PLAG1: variants seen among roughly 807,000 people sequenced by gnomAD.
PLAG1 encodes the protein PLAG1 zinc finger.
In PLAG1, 7 loss-of-function variants were observed where a neutral mutation model predicts 35.5. The observed-to-expected ratio is 0.20, with a 90% confidence interval of 0.11 to 0.37. PLAG1 has a LOEUF of 0.37. Among genes scored for constraint, PLAG1 ranks in the 10% least tolerant of loss-of-function variants. The pLI is 1.00. For synonymous variants in PLAG1, 229 were observed against 225.4 expected (o/e 1.02, Z -0.14); for missense variants, 454 against 602.8 (o/e 0.75, Z 2.58).
Position 56,166,505 on chromosome 8 carries a change from G to T in PLAG1, c.1241C>A (p.Pro414Gln). 6.2e-7 allele frequency: 1 copy of T among 1,613,996 alleles called. No homozygotes were observed. Among genetic ancestry groups the T allele is most frequent in the Non-Finnish European group, 8.5e-7 (1 of 1,179,928 alleles). ...AAACAACTGAGAAAAATCCAATGCT[G>T]GTGTGTTTAGGGGGTCACTGATGGA... is the stretch of plus-strand genomic sequence containing the variant. ...SISISDPLNT[P>Q]ALDFSQLFNF... Residue 414 changes from proline to glutamine, a missense_variant, in exon 5 of 5, where the codon CCA (proline) becomes CAA (glutamine). This residue lies in a region of PLAG1 where 271 missense variants were observed against 315.6 expected (regional missense o/e 0.86). Coordinates refer to ENST00000316981, the MANE Select transcript of PLAG1 (RefSeq NM_002655.3).
chr8:56,169,540 T>G (rs948099956), intron 3 of PLAG1, among the ~76,000 whole-genome samples: 1 of 152,084 alleles, frequency 6.6e-6, no homozygotes, highest in African/African-American at 2.4e-5. Flanking sequence ...AGTTGAGTGA[T>G]GTACTTATTT....
At chr8:56,171,660 C>G (rs1049749672) in intron 2 of PLAG1, among the ~76,000 whole-genome samples, 1 of 152,196 alleles carries the variant, frequency 6.6e-6, no homozygotes, top group Non-Finnish European at 1.5e-5. Context: ...ACTAGCACAA[C>G]GGGGGCCTCT....
At chr8:56,198,892 A>T (rs1340020509) in intron 1 of PLAG1, among the ~76,000 whole-genome samples, 1 of 152,158 alleles carries the variant, frequency 6.6e-6, no homozygotes. Context: ...CTGGCTTAGT[A>T]CCCAGCATGG....
intron 2 of PLAG1, among the ~76,000 whole-genome samples, chr8:56,175,975 A>C (rs548645774): frequency 4.0e-4 from 61 of 150,892 alleles, no homozygotes; most frequent in Admixed American, 1.2e-3. Flanking sequence ...TTGGTTGTTT[A>C]TTTTATAGAG....
intron 1 of PLAG1, among the ~76,000 whole-genome samples, chr8:56,201,099 G>A (rs1036715643): frequency 1.1e-4 from 17 of 152,118 alleles, no homozygotes; most frequent in African/African-American, 3.9e-4. Flanking sequence ...TAACAAAATG[G>A]AGATGTGAAA....
intron 1 of PLAG1, among the ~76,000 whole-genome samples, chr8:56,196,987 T>TGTGCGC (rs1227336889): frequency 2.7e-4 from 40 of 149,546 alleles, no homozygotes; most frequent in South Asian, 6.4e-4. Context: ...TGTGTGTGTG[T>TGTGCGC]GCTCCTCTCT....
chr8:56,200,858 A>G (rs1430111169), intron 1 of PLAG1, among the ~76,000 whole-genome samples: 1 of 152,236 alleles, frequency 6.6e-6, no homozygotes, highest in Non-Finnish European at 1.5e-5. Context: ...CATTTTAAAA[A>G]ACAATGCTCT....
chr8:56,189,915 C>A (rs1200719154), intron 1 of PLAG1, among the ~76,000 whole-genome samples: 2 of 152,066 alleles, frequency 1.3e-5, no homozygotes, highest in Non-Finnish European at 2.9e-5. Context: ...AGGGAGGCTG[C>A]AGAAAGGCAA....
In PLAG1 at chr8:56,167,398, A is replaced by G; in HGVS notation, c.348T>C (p.Pro116=). 1 of 1,613,814 alleles carries G rather than the reference A, an allele frequency of 6.2e-7. No individual in the cohort carries two copies. Among genetic ancestry groups the G allele is most frequent in the Non-Finnish European group, 8.5e-7 (1 of 1,179,842 alleles). ...CTTCGCACTTAAACGTCTCTTTGTTAGGGTCGTGTGTATGGAGGTGATTCT... is the reference window on the plus strand; with the variant it reads ...CTTCGCACTTAAACGTCTCTTTGTTGGGGTCGTGTGTATGGAGGTGATTCT... ...HLKNHLHTHD[P]NKETFKCEEC... is the part of the protein sequence containing the mutation. Residue 116 remains proline, a synonymous_variant, in exon 5 of 5, where the codon CCT becomes CCC. Transcript: ENST00000316981. This position sits in a 1 kb window ranked among gnomAD's most constrained non-coding sequence, Gnocchi z 5.9.
Position 56,166,376 on chromosome 8 carries a change from G to A in PLAG1, c.1370C>T (p.Pro457Leu). Residue 457 changes from proline to leucine, a missense_variant, in exon 5 of 5, where the codon CCC becomes CTC. Around this residue, in one of 4 missense-constraint regions of PLAG1, gnomAD observed 271 missense variants for 315.6 expected, o/e 0.86. Coordinates refer to ENST00000316981, the MANE Select transcript of PLAG1 (RefSeq NM_002655.3). ...EEAHSSVSQL[P>L]PQTQDLQDPA... ...ATCCTGAAGATCCTGTGTTTGTGGG[G>A]GGAGCTGGGAAACAGAAGAATGTGC... 1 of 1,613,914 alleles carries A rather than the reference G, an allele frequency of 6.2e-7. No homozygotes were observed. The highest frequency in any genetic ancestry group is 8.5e-7 in the Non-Finnish European group (1 of 1,179,890).
rs112095742 is a variant in PLAG1, at chr8:56,172,014, A to C, written c.-216-825T>G. Among the ~76,000 whole-genome samples, 1,022 of 152,354 alleles carry C rather than the reference A, an allele frequency of 6.7e-3. 15 individuals carry two copies. The highest frequency in any genetic ancestry group is 0.023 in the African/African-American group (960 of 41,578). On this transcript the variant is annotated intron_variant, in intron 2 of 4. Transcript: ENST00000316981. ...GGCAGAATAGAATCACCTATTGTAG[A>C]GAGCACAAGGCATGAGAGATCAGTA...
chr8:56,196,899 T>C (rs555868578), intron 1 of PLAG1, among the ~76,000 whole-genome samples: 184 of 151,938 alleles, frequency 1.2e-3, no homozygotes, highest in Admixed American at 4.0e-3. Context: ...TTGGAGTTGC[T>C]CTGTCTTGTG....
At position 56,162,686 on chromosome 8, in the gene PLAG1, T is replaced by C. The variant is rs1811239237; in HGVS notation, c.*3557A>G. 4.7e-6 allele frequency: 1 copy of C among 211,042 alleles called. No homozygotes were observed. 13.1% of individuals were successfully genotyped at this position (211,042 alleles called of 1,614,324 possible). A position where few individuals can be genotyped will look rare whatever the true frequency, so the allele number is the denominator to read the frequency against. Reference sequence around the variant, plus strand: ...TTTTTAAAAAAATATTGGCCTATAATATGTGTATTGCTCACTAGATGAACG... The same window carrying C: ...TTTTTAAAAAAATATTGGCCTATAACATGTGTATTGCTCACTAGATGAACG... On this transcript the variant is annotated 3_prime_UTR_variant, in exon 5 of 5. Transcript: ENST00000316981.
intron 2 of PLAG1, among the ~76,000 whole-genome samples, chr8:56,172,032 G>T (rs954853145): frequency 1.3e-5 from 2 of 152,170 alleles, no homozygotes; most frequent in African/African-American, 4.8e-5. Context: ...AGGCATGAGA[G>T]ATCAGTAAAC....
At chr8:56,178,493 T>G (rs1234137230) in intron 2 of PLAG1, among the ~76,000 whole-genome samples, 1 of 152,220 alleles carries the variant, frequency 6.6e-6, no homozygotes, top group African/African-American at 2.4e-5. Context: ...TAGCTAAAAT[T>G]TTAATGCTAA....
chr8:56,174,431 A>G (rs1811629237), intron 2 of PLAG1, among the ~76,000 whole-genome samples: 1 of 152,200 alleles, frequency 6.6e-6, no homozygotes, highest in African/African-American at 2.4e-5. Context: ...TACAGCATTC[A>G]CTTTCCATAG....
chr8:56,164,000 A>G lies in PLAG1; in HGVS notation c.*2243T>C, dbSNP rs904629914. On this transcript the variant is annotated 3_prime_UTR_variant, in exon 5 of 5. Transcript: ENST00000316981. ...TAATCATTCAACTAAAGATTTAGGT[A>G]AGCAATCTGTTTCATAGAAACTAAA... The G allele has an allele frequency of 2.2e-5, 4 of 184,142 alleles. No homozygotes were observed. Among genetic ancestry groups the G allele is most frequent in the Non-Finnish European group, 4.6e-5 (4 of 86,478 alleles). 11.4% of individuals were successfully genotyped at this position (184,142 alleles called of 1,614,324 possible).
chr8:56,208,276 T>C (rs1484811796), intron 1 of PLAG1, among the ~76,000 whole-genome samples: 2 of 152,170 alleles, frequency 1.3e-5, no homozygotes, highest in Admixed American at 6.5e-5. Flanking sequence ...CTGAAACCTC[T>C]GGACAGAAGA....
At chr8:56,209,007 G>A (rs1406881298) in intron 1 of PLAG1, among the ~76,000 whole-genome samples, 1 of 152,106 alleles carries the variant, frequency 6.6e-6, no homozygotes, top group Non-Finnish European at 1.5e-5. Flanking sequence ...CTAAAGAAAT[G>A]CCTACTGCTT....
Sources: gnomAD v4.1 joint callset for allele counts (sites outside exome capture counted in the v4.1 genomes callset) on GRCh38, gnomAD v4.1.1 for gene constraint, gnomAD v4.1.1 regional missense constraint, Gnocchi (gnomAD v3.1) non-coding constraint, MANE v1.5 for transcripts, NCBI Gene and HGNC (gene_info 2026-07-23, HGNC 2026-07-21) for gene names.